The following ZFYVE28 variants were observed in gnomAD, a reference collection of about 807,000 sequenced individuals.
The protein encoded by ZFYVE28 is lateral signaling target protein 2 homolog.
ZFYVE28 carries 40 observed loss-of-function variants against 82.1 expected under a neutral mutation model. The ratio of observed to expected loss-of-function variants is 0.49; its 90% confidence interval spans 0.38 to 0.63. The LOEUF (loss-of-function observed/expected upper bound fraction) is 0.63. Among genes scored for constraint, ZFYVE28 ranks in the 30% least tolerant of loss-of-function variants. The pLI, the probability that ZFYVE28 is intolerant of heterozygous loss-of-function variation, is 0.00. For synonymous variants in ZFYVE28, 612 were observed against 546.1 expected (o/e 1.12, Z -1.68); for missense variants, 1,321 against 1,242.1 (o/e 1.06, Z -0.96).
intron 7 of ZFYVE28, among the ~76,000 whole-genome samples, chr4:2,310,213 A>AT (rs902769707): frequency 2.0e-5 from 3 of 151,850 alleles, no homozygotes; most frequent in Non-Finnish European, 2.9e-5. Context: ...TAATTTGTAA[A>AT]TTTTTTGTAG....
rs1403355236 is a variant in ZFYVE28, at chr4:2,332,989, C to T, written c.701+2716G>A. Among the ~76,000 whole-genome samples the T allele has an allele frequency of 1.3e-5, 2 of 152,138 alleles. No individual in the cohort carries two copies. The highest frequency in any genetic ancestry group is 3.9e-4 in the East Asian group (2 of 5,170). ...TGGACTCTGGCTTTGGGCTCTTATG[C>T]CCTCTCGCCCTTCCTCCCTCCTTCA... On this transcript the variant is annotated intron_variant, in intron 6 of 12. Transcript: ENST00000290974. This position sits in a 1 kb window ranked among gnomAD's most constrained non-coding sequence, Gnocchi z 4.7.
At chr4:2,327,270 ATATATATAT>A (rs1269875832) in intron 6 of ZFYVE28, among the ~76,000 whole-genome samples, 4 of 24,420 alleles carry the variant, frequency 1.6e-4, no homozygotes, top group African/African-American at 7.1e-4. Flanking sequence ...ATATATATAT[ATATATATAT>A]ATATATATAT....
rs958835329 is a variant in ZFYVE28, at chr4:2,270,234, C to CTGA, written c.*488_*490dup. ...GAGGGCTGGGGAACGAGGTGGGCAG[C>CTGA]TGATGGGGAGAATGGGTAGCCTGCA... is the stretch of plus-strand genomic sequence containing the variant. On this transcript the variant is annotated 3_prime_UTR_variant, in exon 13 of 13. Transcript: ENST00000290974. 2.5e-4 allele frequency: 41 copies of CTGA among 166,924 alleles called. No individual in the cohort carries two copies. Among genetic ancestry groups the CTGA allele is most frequent in the Admixed American group, 1.2e-4 (2 of 17,092 alleles). 10.3% of individuals were successfully genotyped at this position (166,924 alleles called of 1,614,324 possible).
intron 8 of ZFYVE28, among the ~76,000 whole-genome samples, chr4:2,278,502 A>G (rs930212749): frequency 6.6e-6 from 1 of 152,212 alleles, no homozygotes; most frequent in Non-Finnish European, 1.5e-5. Context: ...AATTCTTAAA[A>G]GAAAACATTG....
At chr4:2,274,385 C>T (rs923383935) in intron 8 of ZFYVE28, among the ~76,000 whole-genome samples, 169 bp from the exon 9 acceptor site, 6 of 152,156 alleles carry the variant, frequency 3.9e-5, no homozygotes, top group African/African-American at 1.4e-4. Context: ...CTAAAATGTC[C>T]TCAGTGTAAC....
At chr4:2,333,743 A>G (rs935394947) in intron 6 of ZFYVE28, among the ~76,000 whole-genome samples, 1 of 152,194 alleles carries the variant, frequency 6.6e-6, no homozygotes, top group African/African-American at 2.4e-5. Context: ...AGACACCTGT[A>G]CCTGAGGCAA....
At chr4:2,330,729 A>G in intron 6 of ZFYVE28, 1 of 1,469,138 alleles carries the variant, frequency 6.8e-7, no homozygotes, top group Non-Finnish European at 9.0e-7. Context: ...AGGAAACATC[A>G]TGGAAAAGGG....
chr4:2,376,845 G>A (rs931865387), intron 1 of ZFYVE28, among the ~76,000 whole-genome samples: 4 of 152,022 alleles, frequency 2.6e-5, no homozygotes, highest in Non-Finnish European at 4.4e-5. Flanking sequence ...AGAATTCCTT[G>A]AGCCCAGGAG....
chr4:2,402,360 G>A (rs1000493671), intron 1 of ZFYVE28, among the ~76,000 whole-genome samples: 14 of 152,110 alleles, frequency 9.2e-5, no homozygotes, highest in African/African-American at 2.9e-4. Flanking sequence ...ACCATCTCCC[G>A]CCCCGCCCGC....
intron 1 of ZFYVE28, among the ~76,000 whole-genome samples, chr4:2,354,666 C>T (rs1724974798): frequency 6.6e-6 from 1 of 151,972 alleles, no homozygotes; most frequent in South Asian, 2.1e-4. Context: ...GCCATATTGG[C>T]CAGGCTAGTC....
rs71167785 is a variant in ZFYVE28 at position 2,355,199 on chromosome 4, AATATATATATATATATATATATATATAT to A, written c.40-1154_40-1127del. Among the ~76,000 whole-genome samples the A allele has an allele frequency of 1.1e-3, 54 of 48,950 alleles. 2 individuals carry two copies. Among genetic ancestry groups the A allele is most frequent in the Middle Eastern group, 0.011 (1 of 92 alleles). The allele number at this position is 48,950 out of a possible 152,430, so 32.1% of individuals were successfully genotyped here. A position where few individuals can be genotyped will look rare whatever the true frequency, so the allele number is the denominator to read the frequency against. On this transcript the variant is annotated intron_variant, in intron 1 of 12. Transcript: ENST00000290974. The stretch of plus-strand genomic sequence containing the variant: ...TTACAAAAGTGATGAAGTCCTTGAA[AATATATATATATATATATATATATATAT>A]ATATATATATATATATATATATATA...
intron 1 of ZFYVE28, among the ~76,000 whole-genome samples, chr4:2,363,350 G>C (rs989282386): frequency 7.9e-5 from 12 of 152,130 alleles, no homozygotes; most frequent in African/African-American, 2.9e-4. Context: ...GGACTGCCCA[G>C]AACAGCCTGG....
rs1732152613 is a variant in ZFYVE28 at position 2,408,400 on chromosome 4, C to G, written c.39+9885G>C. On this transcript the variant is annotated intron_variant, in intron 1 of 12. Coordinates refer to ENST00000290974, the MANE Select transcript of ZFYVE28 (RefSeq NM_020972.3). The surrounding 1 kb of genome is among the most constrained non-coding windows in gnomAD (Gnocchi z 4.3). ...CCCTATGGACACTGTGGAGGTGATG[C>G]CATGTGACTTCCAGGCTGGGCCTCA... Among the ~76,000 whole-genome samples, 1 of 152,108 alleles carries G rather than the reference C, an allele frequency of 6.6e-6. No homozygotes were observed. Among genetic ancestry groups the G allele is most frequent in the South Asian group, 2.1e-4 (1 of 4,818 alleles).
intron 2 of ZFYVE28, among the ~76,000 whole-genome samples, chr4:2,344,248 G>A (rs1027701546): frequency 2.6e-5 from 4 of 152,160 alleles, no homozygotes; most frequent in South Asian, 2.1e-4. Flanking sequence ...GGGTTCAGCC[G>A]AGAACTGATC....
At chr4:2,364,614 C>G in intron 1 of ZFYVE28, 1 of 985,540 alleles carries the variant, frequency 1.0e-6, no homozygotes, top group Non-Finnish European at 1.2e-6. Flanking sequence ...TTCTTGGCCG[C>G]CTGTCCCCTC....
intron 6 of ZFYVE28, chr4:2,329,044 C>A: frequency 2.9e-6 from 2 of 687,682 alleles, no homozygotes; most frequent in Non-Finnish European, 5.3e-6. Flanking sequence ...GAAATCAGGA[C>A]GTATGAATCT....
chr4:2,387,023 G>A (rs920139591), intron 1 of ZFYVE28, among the ~76,000 whole-genome samples: 2 of 152,058 alleles, frequency 1.3e-5, no homozygotes, highest in Admixed American at 6.5e-5. Context: ...GACACAGCCA[G>A]GGGGTTGGAC....
chr4:2,277,022 A>G (rs1009707016), intron 8 of ZFYVE28, among the ~76,000 whole-genome samples: 2 of 152,074 alleles, frequency 1.3e-5, no homozygotes, highest in Non-Finnish European at 2.9e-5. Context: ...GCAGGGAGAG[A>G]GCAGAGGCAA....
intron 8 of ZFYVE28, among the ~76,000 whole-genome samples, chr4:2,298,386 T>A (rs1714981870): frequency 6.6e-6 from 1 of 152,148 alleles, no homozygotes; most frequent in African/African-American, 2.4e-5. Context: ...GGCTGAGCAG[T>A]CGGTTCACCA....
Sources: allele counts gnomAD v4.1 joint callset (sites outside exome capture counted in the v4.1 genomes callset), GRCh38; gene constraint gnomAD v4.1.1; non-coding constraint Gnocchi (gnomAD v3.1); transcripts MANE v1.5; gene names NCBI Gene and HGNC (gene_info 2026-07-23, HGNC 2026-07-21).